The following LDLRAD4 variants were observed in gnomAD, a reference collection of about 807,000 sequenced individuals.
LDLRAD4 encodes the protein low density lipoprotein receptor class A domain containing 4.
LDLRAD4 carries 5 observed loss-of-function variants against 17.0 expected under a neutral mutation model. The ratio of observed to expected loss-of-function variants is 0.29; its 90% CI spans 0.15 to 0.62. The LOEUF (loss-of-function observed/expected upper bound fraction) is 0.62. LDLRAD4 is among the 20% of genes least tolerant of loss of function. The pLI, the probability that LDLRAD4 is intolerant of heterozygous loss-of-function variation, is 0.84. For synonymous variants in LDLRAD4, 168 were observed against 171.8 expected (o/e 0.98, Z 0.17); for missense variants, 340 against 424.7 (o/e 0.80, Z 1.75).
chr18:13,540,035 C>A (rs1346449410), intron 3 of LDLRAD4, among the ~76,000 whole-genome samples: 2 of 152,246 alleles, frequency 1.3e-5, no homozygotes, highest in East Asian at 3.9e-4. Flanking sequence ...CCAGGGTCAC[C>A]CGCATGCCAA....
chr18:13,462,878 G>A (rs1018982152), intron 3 of LDLRAD4, among the ~76,000 whole-genome samples: 4 of 152,088 alleles, frequency 2.6e-5, no homozygotes, highest in Non-Finnish European at 4.4e-5. Context: ...GCCTAGACTC[G>A]GTGAGGATAG....
intron 3 of LDLRAD4, among the ~76,000 whole-genome samples, chr18:13,513,221 G>A (rs559105994): frequency 1.3e-5 from 2 of 152,332 alleles, no homozygotes; most frequent in African/African-American, 4.8e-5. Context: ...AGGTGACAGA[G>A]CCTGGCCAGC....
intron 2 of LDLRAD4, among the ~76,000 whole-genome samples, chr18:13,432,916 C>G (rs1451217130): frequency 6.6e-6 from 1 of 152,124 alleles, no homozygotes; most frequent in African/African-American, 2.4e-5. Flanking sequence ...GGGGTCTCAC[C>G]ATGTTGACCA....
chr18:13,379,992 C>CCAGCCCCCTGCCCGT (rs1411130737), intron 1 of LDLRAD4, among the ~76,000 whole-genome samples: 1 of 149,098 alleles, frequency 6.7e-6, no homozygotes, highest in African/African-American at 2.4e-5. Flanking sequence ...CCCCTGCCCG[C>CCAGCCCCCTGCCCGT]CAGCCCCCTG....
At chr18:13,355,337 T>C (rs1238444067) in intron 1 of LDLRAD4, among the ~76,000 whole-genome samples, 1 of 152,234 alleles carries the variant, frequency 6.6e-6, no homozygotes, top group African/African-American at 2.4e-5. Context: ...TCTGGATAAC[T>C]TGGTCAATTC....
At chr18:13,558,834 A>G (rs1479509713) in intron 3 of LDLRAD4, among the ~76,000 whole-genome samples, 1 of 152,250 alleles carries the variant, frequency 6.6e-6, no homozygotes, top group Non-Finnish European at 1.5e-5. Flanking sequence ...TTCTGTTAAT[A>G]GGTGATCAAC....
At chr18:13,568,604 A>G (rs1300760768) in intron 3 of LDLRAD4, among the ~76,000 whole-genome samples, 1 of 152,194 alleles carries the variant, frequency 6.6e-6, no homozygotes, top group Non-Finnish European at 1.5e-5. Flanking sequence ...ACCTCACCGT[A>G]AGGCCACACC....
At chr18:13,435,307 A>G (rs927068192) in intron 2 of LDLRAD4, among the ~76,000 whole-genome samples, 2 of 152,212 alleles carry the variant, frequency 1.3e-5, no homozygotes, top group African/African-American at 2.4e-5. Context: ...AGTATTTTCT[A>G]TATCACATCA....
chr18:13,280,813 A>T (rs1394620661), intron 1 of LDLRAD4, among the ~76,000 whole-genome samples: 2 of 152,272 alleles, frequency 1.3e-5, no homozygotes, highest in African/African-American at 4.8e-5. Context: ...ACCAGGGACC[A>T]TGCGGATGTC....
chr18:13,612,767 AAAAAAAGG>A (rs748673346), intron 3 of LDLRAD4: 10 of 1,612,600 alleles, frequency 6.2e-6, no homozygotes, highest in Non-Finnish European at 8.5e-6. Flanking sequence ...ACCTGTTCTT[AAAAAAAGG>A]TACATTTCCC....
In LDLRAD4 at chr18:13,278,248, C is replaced by T. The variant is rs972301101; in HGVS notation, c.-383+60C>T. ...GATGTCTGGGAAGCAGAGCTTGTCG[C>T]GGCAGGAGCTGCTCTGCAGTGGTGG... On this transcript the variant is annotated intron_variant, in intron 1 of 5. Transcript: ENST00000359446. 5.9e-5 allele frequency: 9 copies of T among 152,292 alleles called. No homozygotes were observed. In the East Asian group the frequency reaches 1.5e-3, roughly 26 times the overall value. The allele number at this position is 152,292 out of a possible 1,614,324, so 9.4% of individuals were successfully genotyped here.
intron 1 of LDLRAD4, among the ~76,000 whole-genome samples, chr18:13,357,892 T>C (rs2083439394): frequency 6.6e-6 from 1 of 152,200 alleles, no homozygotes; most frequent in Non-Finnish European, 1.5e-5. Context: ...CATATAATTA[T>C]GAACTCATGG....
At position 13,397,109 on chromosome 18, in the gene LDLRAD4, C is replaced by T. The variant is rs533105016; in HGVS notation, c.40+9347C>T. ...CTGAGGGAGAGACCAGCCACAGCTGCTGTTGGGTTTGCCTGACTTTTATTT... is the reference window on the plus strand; with the variant it reads ...CTGAGGGAGAGACCAGCCACAGCTGTTGTTGGGTTTGCCTGACTTTTATTT... On this transcript the variant is annotated intron_variant, in intron 2 of 5. Transcript: ENST00000359446. Among the ~76,000 whole-genome samples the T allele has an allele frequency of 1.1e-4, 16 of 152,276 alleles. No homozygotes were observed. The East Asian group carries it at 2.9e-3, about 28-fold the overall frequency.
intron 1 of LDLRAD4, among the ~76,000 whole-genome samples, chr18:13,339,586 GA>G: frequency 6.6e-6 from 1 of 151,964 alleles, no homozygotes; most frequent in Non-Finnish European, 1.5e-5. Context: ...TATATAGCCA[GA>G]AAAGGTACAG....
At chr18:13,580,300 CACCCCACCTTGGCTTGTG>C in intron 3 of LDLRAD4, among the ~76,000 whole-genome samples, 1 of 152,218 alleles carries the variant, frequency 6.6e-6, no homozygotes, top group South Asian at 2.1e-4. Flanking sequence ...CAGCTGTGGT[CACCCCACCTTGGCTTGTG>C]ACCCCACCTT....
intron 3 of LDLRAD4, among the ~76,000 whole-genome samples, chr18:13,569,878 C>G (rs2094661526): frequency 6.6e-6 from 1 of 152,230 alleles, no homozygotes; most frequent in Non-Finnish European, 1.5e-5. Flanking sequence ...AAGTGAGACT[C>G]TGTCTCAAAA....
At chr18:13,532,033 G>T (rs1456444065) in intron 3 of LDLRAD4, among the ~76,000 whole-genome samples, 1 of 152,174 alleles carries the variant, frequency 6.6e-6, no homozygotes, top group Non-Finnish European at 1.5e-5. Flanking sequence ...CTGCCTGGTG[G>T]TCATGTTACT....
intron 3 of LDLRAD4, among the ~76,000 whole-genome samples, chr18:13,534,083 CT>C (rs1277304244): frequency 6.6e-6 from 1 of 152,146 alleles, no homozygotes; most frequent in Non-Finnish European, 1.5e-5. Flanking sequence ...CAGCCATATC[CT>C]TCTCACTTCT....
At chr18:13,342,776 T>C (rs779468964) in intron 1 of LDLRAD4, among the ~76,000 whole-genome samples, 7 of 151,524 alleles carry the variant, frequency 4.6e-5, no homozygotes, top group African/African-American at 1.7e-4. Context: ...GTTGGATTCT[T>C]TTTTTTTAAT....
Sources: gnomAD v4.1 joint callset for allele counts (sites outside exome capture counted in the v4.1 genomes callset) on GRCh38, gnomAD v4.1.1 for gene constraint, MANE v1.5 for transcripts, NCBI Gene and HGNC (gene_info 2026-07-23, HGNC 2026-07-21) for gene names.